Variants in EPHA6 observed in about 807,000 individuals in gnomAD.
The protein encoded by EPHA6 is ephrin type-A receptor 6.
A neutral mutation model predicts 112.0 loss-of-function variants in EPHA6; 50 were observed. The observed-to-expected ratio is 0.45, with a 90% confidence interval of 0.36 to 0.56. The LOEUF (loss-of-function observed/expected upper bound fraction) is 0.56. Among genes scored for constraint, EPHA6 ranks in the 20% least tolerant of loss-of-function variants. EPHA6 has a pLI of 0.00. For synonymous variants in EPHA6, 529 were observed against 490.7 expected, an observed-to-expected ratio of 1.08 and a Z score of -1.03; for missense variants, 1,280 against 1,417.4, an observed-to-expected ratio of 0.90 and a Z score of 1.56.
At chr3:97,015,286 T>A (rs2044226830) in intron 3 of EPHA6, among the ~76,000 whole-genome samples, 1 of 152,200 alleles carries the variant, frequency 6.6e-6, no homozygotes, top group South Asian at 2.1e-4. Context: ...AAAATCAGTA[T>A]AAAGTAACAA....
At chr3:97,129,285 A>G (rs9880111) in intron 3 of EPHA6, among the ~76,000 whole-genome samples, 77,829 of 151,666 alleles carry the variant, frequency 0.51, 22,771 homozygotes, top group African/African-American at 0.8. Flanking sequence ...AGATCACGAG[A>G]TCAGGAGATC....
At chr3:97,526,868 G>A (rs1022968536) in intron 10 of EPHA6, among the ~76,000 whole-genome samples, 1 of 151,790 alleles carries the variant, frequency 6.6e-6, no homozygotes, top group Non-Finnish European at 1.5e-5. Context: ...ACAGATGGAT[G>A]AGTCTACCAG....
At chr3:97,665,080 T>C (rs1471773914) in intron 14 of EPHA6, among the ~76,000 whole-genome samples, 3 of 152,198 alleles carry the variant, frequency 2.0e-5, no homozygotes, top group Non-Finnish European at 4.4e-5. Flanking sequence ...ACTACAAGGC[T>C]ACAGTAACCA....
At chr3:96,881,890 G>A (rs1033723016) in intron 2 of EPHA6, among the ~76,000 whole-genome samples, 1 of 152,168 alleles carries the variant, frequency 6.6e-6, no homozygotes, top group African/African-American at 2.4e-5. Flanking sequence ...AAATCTTAAA[G>A]CTCCGAAATC....
chr3:97,455,542 A>G (rs2090654063), intron 7 of EPHA6, among the ~76,000 whole-genome samples: 1 of 151,946 alleles, frequency 6.6e-6, no homozygotes, highest in Non-Finnish European at 1.5e-5. Context: ...TTTCTACATG[A>G]CTATTTTTTA....
rs2107913658 is a variant in EPHA6 at position 97,749,429 on chromosome 3, T to C, written c.*728T>C. Reference sequence around the variant, plus strand: ...TGGTAGTTTAAAGGCTTTTCACCTCTAATTTTATTTATTTATTTATTTATT... The same window carrying C: ...TGGTAGTTTAAAGGCTTTTCACCTCCAATTTTATTTATTTATTTATTTATT... On this transcript the variant is annotated 3_prime_UTR_variant, in exon 18 of 18. Coordinates refer to ENST00000389672, the MANE Select transcript of EPHA6 (RefSeq NM_001080448.3). Among the ~76,000 whole-genome samples the C allele has an allele frequency of 6.6e-6, 1 of 152,258 alleles. No homozygotes were observed. Among genetic ancestry groups the C allele is most frequent in the South Asian group, 2.1e-4 (1 of 4,826 alleles).
At chr3:97,299,326 T>C (rs1290682774) in intron 5 of EPHA6, among the ~76,000 whole-genome samples, 1 of 152,022 alleles carries the variant, frequency 6.6e-6, no homozygotes, top group Non-Finnish European at 1.5e-5. Context: ...GCATATTTCT[T>C]AATCATTTAG....
At chr3:97,468,074 G>A (rs1258224830) in intron 7 of EPHA6, among the ~76,000 whole-genome samples, 1 of 150,566 alleles carries the variant, frequency 6.6e-6, no homozygotes, top group Non-Finnish European at 1.5e-5. Flanking sequence ...TTGATATACT[G>A]AATTGTATTG....
intron 4 of EPHA6, among the ~76,000 whole-genome samples, chr3:97,235,212 A>C (rs758626851): frequency 1.2e-4 from 18 of 152,040 alleles, no homozygotes; most frequent in Non-Finnish European, 2.6e-4. Flanking sequence ...TTGCTTCCTC[A>C]TTTGTTGTCA....
chr3:97,426,425 A>G (rs986735258), intron 6 of EPHA6, among the ~76,000 whole-genome samples: 11 of 152,200 alleles, frequency 7.2e-5, no homozygotes, highest in African/African-American at 2.2e-4. Flanking sequence ...CCACCCCCAT[A>G]ATTCAATTAT....
intron 16 of EPHA6, among the ~76,000 whole-genome samples, chr3:97,746,047 T>C (rs946297165): frequency 2.0e-5 from 3 of 151,916 alleles, no homozygotes; most frequent in African/African-American, 7.2e-5. Context: ...ATGTGAATGG[T>C]AAAAACACTT....
At chr3:97,058,752 TA>T (rs1242429262) in intron 3 of EPHA6, among the ~76,000 whole-genome samples, 2 of 152,340 alleles carry the variant, frequency 1.3e-5, no homozygotes, top group East Asian at 3.9e-4. Flanking sequence ...GAAAAATATA[TA>T]AAGATCCGTG....
intron 1 of EPHA6, among the ~76,000 whole-genome samples, chr3:96,857,746 C>T (rs2035780220): frequency 6.6e-6 from 1 of 151,388 alleles, no homozygotes; most frequent in African/African-American, 2.4e-5. Context: ...CTACTACAAT[C>T]CAATTTAGCT....
At chr3:96,892,396 T>C (rs79181618) in intron 2 of EPHA6, among the ~76,000 whole-genome samples, 1 of 152,184 alleles carries the variant, frequency 6.6e-6, no homozygotes, top group African/African-American at 2.4e-5. Flanking sequence ...AATTTTTTTG[T>C]ACTTTTTATA....
intron 2 of EPHA6, among the ~76,000 whole-genome samples, chr3:96,917,873 G>A (rs1410398056): frequency 6.6e-6 from 1 of 152,064 alleles, no homozygotes; most frequent in East Asian, 1.9e-4. Context: ...CACCCCCAAA[G>A]GATAATAGAA....
At chr3:97,150,815 T>C (rs1229104650) in intron 3 of EPHA6, among the ~76,000 whole-genome samples, 2 of 152,118 alleles carry the variant, frequency 1.3e-5, no homozygotes, top group Non-Finnish European at 2.9e-5. Flanking sequence ...TAATTTCTAA[T>C]CTCTTTAATT....
intron 14 of EPHA6, among the ~76,000 whole-genome samples, chr3:97,693,794 C>A (rs951856235): frequency 6.6e-6 from 1 of 151,832 alleles, no homozygotes; most frequent in Non-Finnish European, 1.5e-5. Context: ...GGTGACAGAG[C>A]GAGACTCTGT....
chr3:96,874,807 C>T (rs2036847982), intron 2 of EPHA6, among the ~76,000 whole-genome samples: 1 of 152,028 alleles, frequency 6.6e-6, no homozygotes, highest in Non-Finnish European at 1.5e-5. Context: ...GAAATAGCAG[C>T]CAGAAACATC....
At chr3:97,084,046 G>T (rs9824597) in intron 3 of EPHA6, among the ~76,000 whole-genome samples, 24,281 of 143,850 alleles carry the variant, frequency 0.17, 2,204 homozygotes, top group Non-Finnish European at 0.19. Flanking sequence ...TTTGGATAGG[G>T]GTGGTACATT....
Sources: gnomAD v4.1 joint callset for allele counts (sites outside exome capture counted in the v4.1 genomes callset) on GRCh38, gnomAD v4.1.1 for gene constraint, MANE v1.5 for transcripts, NCBI Gene and HGNC (gene_info 2026-07-23, HGNC 2026-07-21) for gene names.